The following CPA6 variants were observed in gnomAD, a reference collection of about 807,000 sequenced individuals.
The protein encoded by CPA6 is carboxypeptidase B.
Under a neutral mutation model 63.3 loss-of-function variants are expected in CPA6, and 58 were observed. That is an observed-to-expected ratio of 0.92 (90% CI 0.74 to 1.14). CPA6 has a LOEUF of 1.14. Among genes scored for constraint, CPA6 ranks in the 50% most tolerant of loss-of-function variants. The probability of loss-of-function intolerance (pLI) is 0.00; values close to 1 mark genes in which losing one functional copy is unlikely to be tolerated. For synonymous variants in CPA6, 185 were observed against 179.0 expected, an observed-to-expected ratio of 1.03 and a Z score of -0.27; for missense variants, 565 against 526.6, an observed-to-expected ratio of 1.07 and a Z score of -0.71.
intron 6 of CPA6, among the ~76,000 whole-genome samples, chr8:67,501,308 C>A (rs1021320426): frequency 6.6e-6 from 1 of 152,114 alleles, no homozygotes; most frequent in African/African-American, 2.4e-5. Context: ...AAGTATTTCA[C>A]TTTTTTGAGT....
chr8:67,450,610 C>G (rs995326333), intron 8 of CPA6, among the ~76,000 whole-genome samples: 1 of 152,232 alleles, frequency 6.6e-6, no homozygotes, highest in African/African-American at 2.4e-5. Flanking sequence ...GTACTGAAAA[C>G]AGGACCAGTG....
At chr8:67,483,593 C>A in intron 8 of CPA6, 175 bp downstream of exon 8, 2 of 601,816 alleles carry the variant, frequency 3.3e-6, no homozygotes, top group Non-Finnish European at 6.0e-6. Context: ...AAAAAAGAAT[C>A]CTTTCATTTT....
At chr8:67,455,663 CA>C (rs552041509) in intron 8 of CPA6, among the ~76,000 whole-genome samples, 1,477 of 29,856 alleles carry the variant, frequency 0.049, no homozygotes, top group South Asian at 0.087. Context: ...TCTACAAAAG[CA>C]AAAAAAAAAA....
At chr8:67,615,011 G>A (rs1350192611) in intron 2 of CPA6, among the ~76,000 whole-genome samples, 13 of 152,112 alleles carry the variant, frequency 8.5e-5, no homozygotes, top group Non-Finnish European at 1.8e-4. Context: ...AATTAAATTC[G>A]AATGATGTTA....
At chr8:67,499,972 T>C (rs1587496210) in intron 6 of CPA6, among the ~76,000 whole-genome samples, 1 of 152,326 alleles carries the variant, frequency 6.6e-6, no homozygotes, top group East Asian at 1.9e-4. Context: ...GCACGGGTTT[T>C]TGAGCAAACA....
chr8:67,703,833 C>T (rs1008460448), intron 1 of CPA6, among the ~76,000 whole-genome samples: 1 of 152,250 alleles, frequency 6.6e-6, no homozygotes, highest in African/African-American at 2.4e-5. Context: ...CCCAGTTATG[C>T]TCCAGGGCCA....
intron 1 of CPA6, among the ~76,000 whole-genome samples, chr8:67,655,294 A>G (rs970009959): frequency 2.1e-4 from 32 of 152,152 alleles, no homozygotes; most frequent in African/African-American, 7.7e-4. Flanking sequence ...TTTGGCTGTC[A>G]TTTTATAAAT....
chr8:67,652,359 A>G (rs1249443252), intron 1 of CPA6, among the ~76,000 whole-genome samples: 1 of 152,204 alleles, frequency 6.6e-6, no homozygotes, highest in Non-Finnish European at 1.5e-5. Flanking sequence ...AGTCCCACCA[A>G]CAGTGTAAAA....
intron 8 of CPA6, among the ~76,000 whole-genome samples, chr8:67,455,559 GA>G (rs889375295): frequency 4.4e-5 from 6 of 137,010 alleles, no homozygotes; most frequent in African/African-American, 1.1e-4. Context: ...GTGTAGCATA[GA>G]AAAAAAAAGG....
At chr8:67,543,681 A>G (rs1430570448) in intron 2 of CPA6, among the ~76,000 whole-genome samples, 4 of 152,160 alleles carry the variant, frequency 2.6e-5, no homozygotes, top group Non-Finnish European at 2.9e-5. Context: ...ACAATTCAGT[A>G]CTATACATGT....
intron 1 of CPA6, among the ~76,000 whole-genome samples, chr8:67,634,457 A>G (rs1563370809): frequency 6.6e-6 from 1 of 151,276 alleles, no homozygotes; most frequent in South Asian, 2.1e-4. Context: ...TGACCTTGTG[A>G]TCAGCCCGCC....
chr8:67,676,874 G>A (rs142084163), intron 1 of CPA6, among the ~76,000 whole-genome samples: 2,727 of 152,174 alleles, frequency 0.018, 37 homozygotes, highest in Non-Finnish European at 0.027. Context: ...TATAATATCC[G>A]CAATTTTGAC....
intron 6 of CPA6, among the ~76,000 whole-genome samples, chr8:67,485,915 A>G (rs1238132140): frequency 6.6e-6 from 1 of 152,210 alleles, no homozygotes; most frequent in Non-Finnish European, 1.5e-5. Flanking sequence ...ACCATGGTTT[A>G]TATAGAATCT....
At chr8:67,535,393 A>C (rs2128969663) in intron 2 of CPA6, among the ~76,000 whole-genome samples, 1 of 152,204 alleles carries the variant, frequency 6.6e-6, no homozygotes, top group Non-Finnish European at 1.5e-5. Context: ...TTCAATGATC[A>C]CCATTCTAAC....
chr8:67,691,666 A>G (rs1816817026), intron 1 of CPA6, among the ~76,000 whole-genome samples: 1 of 152,206 alleles, frequency 6.6e-6, no homozygotes, highest in Non-Finnish European at 1.5e-5. Flanking sequence ...ATTTAAATTC[A>G]AGATGTAAAT....
intron 5 of CPA6, 49 bp downstream of exon 5, chr8:67,509,468 G>A (rs1480131441): frequency 1.2e-6 from 1 of 864,132 alleles, no homozygotes; most frequent in South Asian, 1.6e-5. Flanking sequence ...TGAAAAAGAT[G>A]GATATTTGGT....
At position 67,607,242 on chromosome 8, in the gene CPA6, T is replaced by C. The variant is rs376882172; in HGVS notation, c.192+16934A>G. On this transcript the variant is annotated intron_variant, in intron 2 of 10. Coordinates refer to ENST00000297770, the MANE Select transcript of CPA6 (RefSeq NM_020361.5). ...TTCTTCTTCTTCTTCTTCTTCTTCTTCTTCTTCTTCTCCTCCTCCTCCTTT... is the reference window on the plus strand; with the variant it reads ...TTCTTCTTCTTCTTCTTCTTCTTCTCCTTCTTCTTCTCCTCCTCCTCCTTT... 7.7e-3 allele frequency among the ~76,000 whole-genome samples: 688 copies of C among 89,652 alleles called. 54 individuals carry two copies. Among genetic ancestry groups the C allele is most frequent in the Middle Eastern group, 0.027 (4 of 146 alleles). 58.8% of individuals were successfully genotyped at this position (89,652 alleles called of 152,430 possible).
intron 10 of CPA6, among the ~76,000 whole-genome samples, chr8:67,427,722 C>A (rs955157241): frequency 2.6e-5 from 4 of 152,158 alleles, no homozygotes; most frequent in African/African-American, 9.7e-5. Context: ...CTTCCCAAGG[C>A]CCGTTTCCAC....
chr8:67,630,357 G>A (rs1444663504), intron 1 of CPA6, among the ~76,000 whole-genome samples: 1 of 151,960 alleles, frequency 6.6e-6, no homozygotes, highest in Non-Finnish European at 1.5e-5. Flanking sequence ...GGATGTGGGG[G>A]GAAACTGAGT....
Sources: allele counts gnomAD v4.1 joint callset (sites outside exome capture counted in the v4.1 genomes callset), GRCh38; gene constraint gnomAD v4.1.1; transcripts MANE v1.5; gene names NCBI Gene and HGNC (gene_info 2026-07-23, HGNC 2026-07-21).